COL24A1: variants seen among roughly 807,000 people sequenced by gnomAD.
COL24A1 encodes the protein collagen type XXIV alpha 1 chain, also known as collagen alpha-1(XXIV) chain.
COL24A1 carries 224 observed loss-of-function variants against 253.9 expected under a neutral mutation model. The observed-to-expected ratio is 0.88, with a 90% CI of 0.79 to 0.99. The LOEUF is 0.99. Ranked by LOEUF, COL24A1 falls within the 50% of genes least tolerant of loss-of-function variation. The pLI is 0.00. For missense variants in COL24A1, 2,131 were observed against 2,068.5 expected (o/e 1.03, Z -0.59); for synonymous variants, 685 against 673.7 (o/e 1.02, Z -0.26).
intron 42 of COL24A1, among the ~76,000 whole-genome samples, chr1:85,840,255 C>A (rs537960788): frequency 6.6e-6 from 1 of 152,076 alleles, no homozygotes; most frequent in African/African-American, 2.4e-5. Context: ...TTTCCATTTG[C>A]TTTAAGATTT....
At chr1:85,772,521 G>A (rs566790369) in intron 53 of COL24A1, among the ~76,000 whole-genome samples, 110 of 151,536 alleles carry the variant, frequency 7.3e-4, no homozygotes, top group South Asian at 6.9e-3. Flanking sequence ...TGTTTATTGC[G>A]GCGTTATTCA....
At position 85,940,689 on chromosome 1, in the gene COL24A1, T is replaced by C. The variant is rs115190006; in HGVS notation, c.2562+20560A>G. Among the ~76,000 whole-genome samples the C allele has an allele frequency of 4.8e-3, 726 of 152,288 alleles. 3 individuals carry two copies. The highest frequency in any genetic ancestry group is 0.016 in the African/African-American group (656 of 41,556). On this transcript the variant is annotated intron_variant, in intron 24 of 59. Coordinates refer to ENST00000370571, the MANE Select transcript of COL24A1 (RefSeq NM_152890.7). ...CTGAATGGTCTGCTTAGTATCCAAA[T>C]AGGGATTTCAGCTTCTAACGTTTCC... is the stretch of plus-strand genomic sequence containing the variant.
At chr1:85,740,347 T>C (rs995662982) in intron 57 of COL24A1, among the ~76,000 whole-genome samples, 7 of 152,212 alleles carry the variant, frequency 4.6e-5, no homozygotes, top group Non-Finnish European at 1.5e-5. Flanking sequence ...AAGCTTCCAA[T>C]TTCAATGAGA....
intron 53 of COL24A1, among the ~76,000 whole-genome samples, chr1:85,762,660 A>G (rs418979): frequency 0.43 from 64,922 of 152,044 alleles, 14,517 homozygotes; most frequent in South Asian, 0.58. Flanking sequence ...CATTGGAGAT[A>G]GCCTTTTAAA....
chr1:85,842,313 T>C (rs372806087), intron 40 of COL24A1, 27 bp downstream of exon 40: 39 of 1,502,430 alleles, frequency 2.6e-5, no homozygotes, highest in Non-Finnish European at 3.3e-5. Flanking sequence ...TTCATGTGAA[T>C]ATATTTTTTC....
intron 8 of COL24A1, among the ~76,000 whole-genome samples, chr1:86,061,387 T>C (rs689040): frequency 0.13 from 19,729 of 152,068 alleles, 1,398 homozygotes; most frequent in African/African-American, 0.15. Flanking sequence ...TAGGCCACTA[T>C]CTATCTGGCT....
intron 32 of COL24A1, among the ~76,000 whole-genome samples, chr1:85,886,028 G>C (rs759976567): frequency 6.6e-6 from 1 of 151,654 alleles, no homozygotes; most frequent in Non-Finnish European, 1.5e-5. Context: ...GGGGAGACTG[G>C]ATTCAGCTAG....
intron 28 of COL24A1, among the ~76,000 whole-genome samples, chr1:85,901,883 G>A (rs963014415): frequency 6.8e-6 from 1 of 147,302 alleles, no homozygotes; most frequent in Non-Finnish European, 1.5e-5. Flanking sequence ...CCCACTACTG[G>A]GTATTTATCC....
At chr1:85,806,326 C>T (rs1342450226) in intron 47 of COL24A1, among the ~76,000 whole-genome samples, 1 of 152,096 alleles carries the variant, frequency 6.6e-6, no homozygotes, top group Non-Finnish European at 1.5e-5. Flanking sequence ...GACTTGCCCA[C>T]TACATATAAG....
At chr1:85,985,697 C>A (rs992734555) in intron 20 of COL24A1, among the ~76,000 whole-genome samples, 1 of 151,552 alleles carries the variant, frequency 6.6e-6, no homozygotes, top group African/African-American at 2.4e-5. Flanking sequence ...AAATTTCTAT[C>A]AAAGGAGAGA....
In COL24A1 at chr1:85,784,274, G is replaced by A; in HGVS notation, c.4152C>T (p.Gly1384=). The change falls in exon 49 of 60, where the codon GGC becomes GGT. Residue 1384 remains glycine (G), a synonymous_variant. Coordinates refer to ENST00000370571, the MANE Select transcript of COL24A1 (RefSeq NM_152890.7). ...QGDQGPCGDP[G]LKGQPGEYGV... ...TGGTACATACAGGCTGCCCTTTCAGGCCAGGGTCTCCACATGGTCCTTGAT... is the reference window on the plus strand; with the variant it reads ...TGGTACATACAGGCTGCCCTTTCAGACCAGGGTCTCCACATGGTCCTTGAT... 6.2e-7 allele frequency: 1 copy of A among 1,613,950 alleles called. No individual in the cohort carries two copies.
At chr1:85,982,357 G>A (rs1693338616) in intron 20 of COL24A1, among the ~76,000 whole-genome samples, 1 of 152,054 alleles carries the variant, frequency 6.6e-6, no homozygotes, top group South Asian at 2.1e-4. Flanking sequence ...ACAACAGTGT[G>A]CACACATTTT....
At chr1:85,771,774 A>AC (rs1667985632) in intron 53 of COL24A1, among the ~76,000 whole-genome samples, 1 of 119,002 alleles carries the variant, frequency 8.4e-6, no homozygotes, top group South Asian at 3.8e-4. Flanking sequence ...TTGTTGCCTG[A>AC]CTTTTTTATT....
chr1:85,842,494 T>C (rs894698810), intron 39 of COL24A1, 101 bp from the exon 40 acceptor site: 2 of 836,352 alleles, frequency 2.4e-6, no homozygotes, highest in Admixed American at 5.7e-5. Flanking sequence ...TTTAGATTTT[T>C]CATGGTTGAA....
At chr1:85,868,370 T>C (rs1680021439) in intron 37 of COL24A1, 149 bp downstream of exon 37, 2 of 509,274 alleles carry the variant, frequency 3.9e-6, no homozygotes, top group East Asian at 6.1e-5. Context: ...AATCAGTCCT[T>C]GACTTTTCCT....
intron 2 of COL24A1, among the ~76,000 whole-genome samples, chr1:86,126,621 T>A (rs1572012834): frequency 1.3e-5 from 2 of 152,034 alleles, no homozygotes; most frequent in African/African-American, 4.8e-5. Context: ...TACAACGGCA[T>A]GCCATCATAC....
At chr1:85,901,842 A>AAAAG (rs1553221266) in intron 28 of COL24A1, among the ~76,000 whole-genome samples, 13 of 144,532 alleles carry the variant, frequency 9.0e-5, no homozygotes, top group East Asian at 6.5e-4. Context: ...AAAAAAAAAA[A>AAAAG]AAAAAAAGAA....
chr1:85,923,047 C>T (rs887718574), intron 24 of COL24A1, among the ~76,000 whole-genome samples: 11 of 151,808 alleles, frequency 7.2e-5, no homozygotes, highest in Non-Finnish European at 1.3e-4. Flanking sequence ...AGACTTTAAA[C>T]CAACAAAGAT....
intron 45 of COL24A1, among the ~76,000 whole-genome samples, chr1:85,821,689 A>G (rs1673638287): frequency 1.3e-5 from 2 of 152,138 alleles, no homozygotes; most frequent in Admixed American, 1.3e-4. Context: ...GCAGGGAAGA[A>G]CTAGCTTGCC....
Sources: allele counts gnomAD v4.1 joint callset (sites outside exome capture counted in the v4.1 genomes callset), GRCh38; gene constraint gnomAD v4.1.1; transcripts MANE v1.5; gene names NCBI Gene and HGNC (gene_info 2026-07-23, HGNC 2026-07-21).